Variants in ITIH2 observed in about 807,000 individuals in gnomAD.
ITIH2 encodes the protein inter-alpha-trypsin inhibitor heavy chain 2, also known as inter-alpha-trypsin inhibitor heavy chain H2.
In ITIH2, 103 loss-of-function variants were observed where a neutral mutation model predicts 104.4. The observed-to-expected ratio is 0.99, with a 90% confidence interval of 0.84 to 1.16. ITIH2 has a LOEUF of 1.16. Among genes scored for constraint, ITIH2 ranks in the 50% most tolerant of loss-of-function variants. The pLI is 0.00. For synonymous variants in ITIH2, 436 were observed against 435.4 expected, an observed-to-expected ratio of 1.00 and a Z score of -0.02; for missense variants, 1,108 against 1,162.4, an observed-to-expected ratio of 0.95 and a Z score of 0.68.
At chr10:7,716,916 CA>C (rs1834855086) in intron 5 of ITIH2, among the ~76,000 whole-genome samples, 1 of 150,846 alleles carries the variant, frequency 6.6e-6, no homozygotes, top group Non-Finnish European at 1.5e-5. Flanking sequence ...GTGGACTGGC[CA>C]TGGGGTCTTG....
chr10:7,713,228 T>C lies in ITIH2; in HGVS notation c.410T>C (p.Val137Ala). 1.2e-6 allele frequency: 2 copies of C among 1,614,146 alleles called. No individual in the cohort carries two copies. Among genetic ancestry groups the C allele is most frequent in the Non-Finnish European group, 1.7e-6 (2 of 1,180,024 alleles). ...AGGAGCTCTATTAAGGAGAAAACTGTGGGCCGAGCTCTTTATGCACAGGCC... is the reference window on the plus strand; with the variant it reads ...AGGAGCTCTATTAAGGAGAAAACTGCGGGCCGAGCTCTTTATGCACAGGCC... The part of the protein sequence containing the change: ...TFRSSIKEKT[V>A]GRALYAQARA... Residue 137 changes from valine (V) to alanine (A), a missense_variant, in exon 5 of 21, where the codon GTG becomes GCG. By Grantham distance (64) the Val-to-Ala change is moderately conservative. Transcript: ENST00000358415.
intron 20 of ITIH2, among the ~76,000 whole-genome samples, chr10:7,747,204 T>C (rs1835186386): frequency 6.6e-6 from 1 of 152,190 alleles, no homozygotes; most frequent in African/African-American, 2.4e-5. Flanking sequence ...TGTAAAAGTC[T>C]TACAAATCTT....
rs780345592 is a variant in ITIH2, at chr10:7,744,108, G to A, written c.2236G>A (p.Gly746Ser). Residue 746 changes from glycine to serine, a missense_variant, in exon 18 of 21, where the codon GGT becomes AGT. Transcript: ENST00000358415. ...AATTGTAGTCAACGGTCAGCTTGTT[G>A]GTGCCAAGAAGCCCAACAATGGAAA... is the stretch of plus-strand genomic sequence containing the variant. ...SGIVVNGQLV[G>S]AKKPNNGKLS... The A allele has an allele frequency of 3.1e-6, 5 of 1,613,710 alleles. No homozygotes were observed. In the East Asian group the frequency reaches 1.1e-4, roughly 36 times the overall value.
chr10:7,714,423 C>G (rs911792729), intron 5 of ITIH2, among the ~76,000 whole-genome samples: 1 of 152,024 alleles, frequency 6.6e-6, no homozygotes, highest in South Asian at 2.1e-4. Flanking sequence ...CCGCCCGCCT[C>G]GGCCTCCCAA....
intron 5 of ITIH2, among the ~76,000 whole-genome samples, 190 bp from the exon 6 acceptor site, chr10:7,717,436 G>A (rs1461855802): frequency 6.6e-6 from 1 of 152,212 alleles, no homozygotes; most frequent in Non-Finnish European, 1.5e-5. Context: ...TAGGAGAGGA[G>A]ACTGAAGCTC....
chr10:7,731,419 CT>C (rs1835001899), intron 12 of ITIH2, among the ~76,000 whole-genome samples: 1 of 152,040 alleles, frequency 6.6e-6, no homozygotes, highest in South Asian at 2.1e-4. Context: ...TCTGCTGATT[CT>C]TTGAAGAATC....
intron 2 of ITIH2, among the ~76,000 whole-genome samples, chr10:7,706,791 G>A (rs1044072595): frequency 2.0e-5 from 3 of 152,138 alleles, no homozygotes; most frequent in African/African-American, 7.2e-5. Flanking sequence ...GAGGAACCTA[G>A]CAGGGGCACT....
chr10:7,704,932 G>A (rs912098111), intron 1 of ITIH2, among the ~76,000 whole-genome samples, 176 bp from the exon 2 acceptor site: 2 of 150,906 alleles, frequency 1.3e-5, no homozygotes, highest in Non-Finnish European at 2.9e-5. Context: ...GGGGTGGGGG[G>A]CTAGGGGAGG....
chr10:7,746,046 A>C (rs1441540979), intron 19 of ITIH2, among the ~76,000 whole-genome samples: 1 of 112,126 alleles, frequency 8.9e-6, no homozygotes, highest in Non-Finnish European at 1.7e-5. Flanking sequence ...GAGCCACCAC[A>C]CCCGGCCCCA....
chr10:7,705,337 AC>A (rs902681886), intron 2 of ITIH2, among the ~76,000 whole-genome samples, 155 bp downstream of exon 2: 1 of 152,204 alleles, frequency 6.6e-6, no homozygotes, highest in African/African-American at 2.4e-5. Flanking sequence ...GGAAGAGATC[AC>A]CCAGGTGAAA....
At chr10:7,733,022 C>G (rs902717179) in intron 14 of ITIH2, among the ~76,000 whole-genome samples, 3 of 152,040 alleles carry the variant, frequency 2.0e-5, no homozygotes, top group Non-Finnish European at 4.4e-5. Context: ...CCACCGCACC[C>G]GGCCAAAATG....
intron 11 of ITIH2, 39 bp from the exon 12 acceptor site, chr10:7,729,913 C>T (rs758526374): frequency 2.7e-6 from 4 of 1,472,334 alleles, no homozygotes; most frequent in Non-Finnish European, 3.7e-6. Flanking sequence ...TATGATATTG[C>T]TTCTTCATTC....
At chr10:7,708,941 G>C in intron 3 of ITIH2, 81 bp from the exon 4 acceptor site, 1 of 1,183,542 alleles carries the variant, frequency 8.4e-7, no homozygotes. Flanking sequence ...ATGTAGTGTT[G>C]TTAACATCAA....
At chr10:7,737,666 TA>T (rs1835073611) in intron 15 of ITIH2, among the ~76,000 whole-genome samples, 3 of 19,360 alleles carry the variant, frequency 1.5e-4, no homozygotes, top group African/African-American at 3.8e-4. Context: ...TATTCTATAT[TA>T]TATTCTATAT....
chr10:7,719,488 TTAGCATC>T (rs1834880465), intron 6 of ITIH2, among the ~76,000 whole-genome samples: 1 of 152,096 alleles, frequency 6.6e-6, no homozygotes. Context: ...TTAGATGTGA[TTAGCATC>T]TAAGCCTAGG....
chr10:7,703,431 C>A lies in ITIH2; in HGVS notation c.-4C>A. On this transcript the variant is annotated 5_prime_UTR_variant, in exon 1 of 21. Transcript: ENST00000358415. ...TGGGGAGCTTGGCAAAACTGTCCAG[C>A]AAAATGAAAAGACTCACGTGCTTTT... is the stretch of plus-strand genomic sequence containing the variant. 6.2e-7 allele frequency: 1 copy of A among 1,612,556 alleles called. No individual in the cohort carries two copies. Among genetic ancestry groups the A allele is most frequent in the Non-Finnish European group, 8.5e-7 (1 of 1,178,574 alleles).
At chr10:7,721,322 C>G (rs961401811) in intron 7 of ITIH2, among the ~76,000 whole-genome samples, 1 of 152,222 alleles carries the variant, frequency 6.6e-6, no homozygotes, top group Non-Finnish European at 1.5e-5. Flanking sequence ...CCAACTATGA[C>G]TCCTGTAAGG....
chr10:7,744,772 T>A lies in ITIH2; in HGVS notation c.2409-19T>A. 1.9e-6 allele frequency: 3 copies of A among 1,608,280 alleles called. No homozygotes were observed. Among genetic ancestry groups the A allele is most frequent in the Middle Eastern group, 1.7e-4 (1 of 6,036 alleles). ...GTCTGTTCTGGAATGGTTTAATTCC[T>A]CTTGGACTTTCACACCAGGGTGCAG... On this transcript the variant is annotated intron_variant, in intron 18 of 20. Transcript: ENST00000358415.
At chr10:7,748,296 G>A (rs932530779) in intron 20 of ITIH2, among the ~76,000 whole-genome samples, 1 of 147,342 alleles carries the variant, frequency 6.8e-6, no homozygotes, top group East Asian at 2.0e-4. Flanking sequence ...GCTGGGCCTC[G>A]ATTTGGTCCA....
Sources: allele counts gnomAD v4.1 joint callset (sites outside exome capture counted in the v4.1 genomes callset), GRCh38; gene constraint gnomAD v4.1.1; transcripts MANE v1.5; gene names NCBI Gene and HGNC (gene_info 2026-07-23, HGNC 2026-07-21).